Variants in SLC35F3 observed in about 807,000 individuals in gnomAD.
SLC35F3 encodes the protein putative thiamine transporter SLC35F3.
A neutral mutation model predicts 49.9 loss-of-function variants in SLC35F3; 25 were observed. The observed-to-expected ratio is 0.50, with a 90% CI of 0.37 to 0.70. SLC35F3 has a LOEUF of 0.70. Among genes scored for constraint, SLC35F3 ranks in the 30% least tolerant of loss-of-function variants. The probability of loss-of-function intolerance (pLI) is 0.00; values close to 1 mark genes in which losing one functional copy is unlikely to be tolerated. For missense variants in SLC35F3, 525 were observed against 639.8 expected (o/e 0.82, Z 1.94); for synonymous variants, 275 against 265.4 (o/e 1.04, Z -0.35).
At chr1:233,986,764 A>G (rs1663272214) in intron 2 of SLC35F3, among the ~76,000 whole-genome samples, 1 of 152,030 alleles carries the variant, frequency 6.6e-6, no homozygotes, top group African/African-American at 2.4e-5. Context: ...TAGATCATCT[A>G]TTTCTTTCAC....
intron 2 of SLC35F3, among the ~76,000 whole-genome samples, chr1:234,144,021 G>A (rs1665959246): frequency 6.6e-6 from 1 of 152,178 alleles, no homozygotes; most frequent in African/African-American, 2.4e-5. Context: ...AAGAAAGAAG[G>A]TGTCCCACTG....
intron 2 of SLC35F3, among the ~76,000 whole-genome samples, chr1:234,142,450 G>A (rs1280210911): frequency 6.6e-6 from 1 of 152,162 alleles, no homozygotes; most frequent in Non-Finnish European, 1.5e-5. Flanking sequence ...GCGGTGGAGA[G>A]GGCTGCTGCA....
In SLC35F3 at chr1:234,233,535, C is replaced by A. The variant is rs535310098; in HGVS notation, c.608+1794C>A. On this transcript the variant is annotated intron_variant, in intron 3 of 7. Transcript: ENST00000366618. The stretch of plus-strand genomic sequence containing the variant: ...CAGCCACTTAGGGCGGGCCTGGCAC[C>A]ATTAAACTATTGTGCTGAAAACCGC... Among the ~76,000 whole-genome samples, 20 of 152,334 alleles carry A rather than the reference C, an allele frequency of 1.3e-4. No homozygotes were observed. In the South Asian group the frequency reaches 4.1e-3, roughly 32 times the overall value.
At chr1:234,225,631 C>T (rs1165191795) in intron 2 of SLC35F3, among the ~76,000 whole-genome samples, 3 of 152,166 alleles carry the variant, frequency 2.0e-5, no homozygotes, top group Non-Finnish European at 4.4e-5. Context: ...TGCCTTGTAC[C>T]GCAAAGTAGG....
At chr1:234,234,874 C>T (rs1667438621) in intron 3 of SLC35F3, among the ~76,000 whole-genome samples, 1 of 152,158 alleles carries the variant, frequency 6.6e-6, no homozygotes, top group Non-Finnish European at 1.5e-5. Context: ...TATATGAAAG[C>T]GCCCTATACA....
intron 3 of SLC35F3, among the ~76,000 whole-genome samples, chr1:234,239,657 G>A (rs570409443): frequency 1.1e-3 from 171 of 152,356 alleles, no homozygotes; most frequent in African/African-American, 3.6e-3. Flanking sequence ...GTGGGTCAGC[G>A]CTATCTGTCC....
At chr1:234,242,562 A>G (rs1026212758) in intron 3 of SLC35F3, among the ~76,000 whole-genome samples, 1 of 152,236 alleles carries the variant, frequency 6.6e-6, no homozygotes, top group African/African-American at 2.4e-5. Context: ...AATTGGCCAG[A>G]GGAATCTCCC....
chr1:233,916,734 A>G (rs539594851), intron 2 of SLC35F3, among the ~76,000 whole-genome samples: 3 of 152,346 alleles, frequency 2.0e-5, no homozygotes, highest in Non-Finnish European at 2.9e-5. Flanking sequence ...GAGAGTTCCT[A>G]TGTGGTGGCT....
At chr1:233,916,089 A>G (rs1661964942) in intron 2 of SLC35F3, among the ~76,000 whole-genome samples, 1 of 152,208 alleles carries the variant, frequency 6.6e-6, no homozygotes, top group Non-Finnish European at 1.5e-5. Context: ...GAAGAACTGA[A>G]GTCCCTTCCT....
intron 2 of SLC35F3, among the ~76,000 whole-genome samples, chr1:234,179,164 T>C (rs1019634054): frequency 2.0e-5 from 3 of 152,158 alleles, no homozygotes; most frequent in African/African-American, 7.2e-5. Flanking sequence ...GCTGCGATCA[T>C]TTCAGACCTG....
intron 2 of SLC35F3, among the ~76,000 whole-genome samples, chr1:233,915,326 C>T (rs559250369): frequency 3.0e-4 from 45 of 152,306 alleles, no homozygotes; most frequent in East Asian, 9.6e-4. Flanking sequence ...ATGTCAATTT[C>T]GCTACCTTAC....
chr1:234,013,642 G>A (rs1051289758), intron 2 of SLC35F3, among the ~76,000 whole-genome samples: 4 of 151,954 alleles, frequency 2.6e-5, no homozygotes, highest in African/African-American at 9.7e-5. Flanking sequence ...TCAGAACTCA[G>A]AGAGGAGACA....
intron 2 of SLC35F3, among the ~76,000 whole-genome samples, chr1:234,059,780 T>C (rs1664514211): frequency 6.6e-6 from 1 of 152,120 alleles, no homozygotes; most frequent in African/African-American, 2.4e-5. Flanking sequence ...CCAGTCCGAG[T>C]CCCAAAATTG....
intron 2 of SLC35F3, among the ~76,000 whole-genome samples, chr1:234,113,872 A>G (rs904632876): frequency 6.6e-6 from 1 of 152,234 alleles, no homozygotes; most frequent in Non-Finnish European, 1.5e-5. Context: ...TCCAAAATAA[A>G]AAAATAAGAA....
chr1:234,230,726 C>T (rs772621621), intron 2 of SLC35F3, among the ~76,000 whole-genome samples: 1 of 152,212 alleles, frequency 6.6e-6, no homozygotes, highest in African/African-American at 2.4e-5. Context: ...TGGCCTTTCA[C>T]ACACCAGCTG....
intron 2 of SLC35F3, among the ~76,000 whole-genome samples, chr1:234,149,850 A>C (rs573486909): frequency 6.6e-6 from 1 of 152,340 alleles, no homozygotes; most frequent in African/African-American, 2.4e-5. Context: ...ATGCTTTGCC[A>C]TTCAAAATGT....
chr1:233,945,786 A>C (rs1390893555), intron 2 of SLC35F3, among the ~76,000 whole-genome samples: 2 of 152,218 alleles, frequency 1.3e-5, no homozygotes, highest in East Asian at 3.9e-4. Context: ...GCTGCCACAT[A>C]AGATGTGACT....
chr1:234,068,945 T>A (rs181412734), intron 2 of SLC35F3, among the ~76,000 whole-genome samples: 1,237 of 56,246 alleles, frequency 0.022, 50 homozygotes, highest in East Asian at 0.19. Context: ...AATTATATAA[T>A]TTTACTACAT....
chr1:234,188,454 T>A (rs1188168344), intron 2 of SLC35F3, among the ~76,000 whole-genome samples: 1 of 152,040 alleles, frequency 6.6e-6, no homozygotes, highest in Non-Finnish European at 1.5e-5. Flanking sequence ...ACAACCTGCA[T>A]GACACAGCAC....
Sources: allele counts gnomAD v4.1 joint callset (sites outside exome capture counted in the v4.1 genomes callset), GRCh38; gene constraint gnomAD v4.1.1; transcripts MANE v1.5; gene names NCBI Gene and HGNC (gene_info 2026-07-23, HGNC 2026-07-21).